The following NUDT4 variants were observed in gnomAD, a reference collection of about 807,000 sequenced individuals.
NUDT4 encodes diphosphoinositol polyphosphate phosphohydrolase 2.
A neutral mutation model predicts 23.1 loss-of-function variants in NUDT4; 5 were observed. That is an observed-to-expected ratio of 0.22 (90% CI 0.11 to 0.46). NUDT4 has a LOEUF of 0.46. Among genes scored for constraint, NUDT4 ranks in the 20% least tolerant of loss-of-function variants. The pLI is 0.99. For missense variants in NUDT4, 96 were observed against 211.6 expected (o/e 0.45, Z 3.39); for synonymous variants, 50 against 79.0 (o/e 0.63, Z 1.95).
At chr12:93,395,800 A>C (rs1219732732) in intron 3 of NUDT4, among the ~76,000 whole-genome samples, 6 of 152,110 alleles carry the variant, frequency 3.9e-5, no homozygotes, top group African/African-American at 1.4e-4. Context: ...GGCTTACTAC[A>C]ACCTCTGCCT....
rs780051864 is a variant in NUDT4, at chr12:93,405,926, T to C, written c.*6547T>C. 1 of 152,158 alleles carries C rather than the reference T, an allele frequency of 6.6e-6. No individual in the cohort carries two copies. Among genetic ancestry groups the C allele is most frequent in the African/African-American group, 2.4e-5 (1 of 41,436 alleles). The allele number at this position is 152,158 out of a possible 1,614,324, so 9.4% of individuals were successfully genotyped here. A position where few individuals can be genotyped will look rare whatever the true frequency, so the allele number is the denominator to read the frequency against. ...CCTATTATCATGGTATTTTCTTTTT[T>C]GGCCAGCTTTTCTAGATAAGGTTGT... On this transcript the variant is annotated 3_prime_UTR_variant, in exon 5 of 5. Transcript: ENST00000415493.
chr12:93,384,562 TAAA>T (rs1384584551), intron 1 of NUDT4, among the ~76,000 whole-genome samples: 1 of 152,164 alleles, frequency 6.6e-6, no homozygotes, highest in African/African-American at 2.4e-5. Flanking sequence ...GCTGGTAAGC[TAAA>T]AAAGTAATAA....
rs1555193203 is a variant in NUDT4, at chr12:93,385,970, T to TAC, written c.99+7551_99+7552dup. 5.1e-4 allele frequency among the ~76,000 whole-genome samples: 60 copies of TAC among 118,610 alleles called. 1 individual carries two copies. In the South Asian group the frequency reaches 8.9e-3, roughly 18 times the overall value. The allele number at this position is 118,610 out of a possible 152,430, so 77.8% of individuals were successfully genotyped here. A position where few individuals can be genotyped will look rare whatever the true frequency, so the allele number is the denominator to read the frequency against. On this transcript the variant is annotated intron_variant, in intron 1 of 4. Transcript: ENST00000415493. Reference sequence around the variant, plus strand: ...ATATATATATATATATATATATATATACATAATTTTTTTTTTCTTTTTGAG... The same window carrying TAC: ...ATATATATATATATATATATATATATACACATAATTTTTTTTTTCTTTTTGAG...
At chr12:93,383,008 G>A (rs1447987584) in intron 1 of NUDT4, among the ~76,000 whole-genome samples, 1 of 151,682 alleles carries the variant, frequency 6.6e-6, no homozygotes, top group African/African-American at 2.4e-5. Context: ...TTCTTCATCT[G>A]TGCCTCCAGC....
rs1286938972 is a variant in NUDT4 at position 93,399,832 on chromosome 12, A to AC, written c.*457dup. On this transcript the variant is annotated 3_prime_UTR_variant, in exon 5 of 5. Coordinates refer to ENST00000415493, the MANE Select transcript of NUDT4 (RefSeq NM_019094.6). ...TTATTGGTATTAAAGAAATCCATTCACCCCAAAACTTGTTTTACAGGATTA... is the reference window on the plus strand; with the variant it reads ...TTATTGGTATTAAAGAAATCCATTCACCCCCAAAACTTGTTTTACAGGATTA... 1.9e-5 allele frequency: 3 copies of AC among 157,282 alleles called. No homozygotes were observed. Among genetic ancestry groups the AC allele is most frequent in the Non-Finnish European group, 4.2e-5 (3 of 71,120 alleles). The allele number at this position is 157,282 out of a possible 1,614,324, so 9.7% of individuals were successfully genotyped here. A position where few individuals can be genotyped will look rare whatever the true frequency, so the allele number is the denominator to read the frequency against.
In NUDT4 at chr12:93,378,116, A is replaced by G; in HGVS notation, c.-207A>G. 3.9e-6 allele frequency: 1 copy of G among 255,840 alleles called. No individual in the cohort carries two copies. Among genetic ancestry groups the G allele is most frequent in the East Asian group, 7.9e-5 (1 of 12,584 alleles). The allele number at this position is 255,840 out of a possible 1,614,324, so 15.8% of individuals were successfully genotyped here. On this transcript the variant is annotated 5_prime_UTR_variant, in exon 1 of 5. It removes the in-frame stop codon of an upstream open reading frame in the 5' UTR. Coordinates refer to ENST00000415493, the MANE Select transcript of NUDT4 (RefSeq NM_019094.6). Reference sequence around the variant, plus strand: ...TCATCTCGGCACCCTGGTTCCAGTGACCCGCGCTAGCGTCCCGTCCCGCCC... The same window carrying G: ...TCATCTCGGCACCCTGGTTCCAGTGGCCCGCGCTAGCGTCCCGTCCCGCCC...
In NUDT4 at chr12:93,401,922, A is replaced by ATTTT. The variant is rs746372735; in HGVS notation, c.*2558_*2561dup. The ATTTT allele has an allele frequency of 4.8e-3, 449 of 92,632 alleles. No individual in the cohort carries two copies. Among genetic ancestry groups the ATTTT allele is most frequent in the South Asian group, 0.011 (29 of 2,622 alleles). 5.7% of individuals were successfully genotyped at this position (92,632 alleles called of 1,614,324 possible). On this transcript the variant is annotated 3_prime_UTR_variant, in exon 5 of 5. Coordinates refer to ENST00000415493, the MANE Select transcript of NUDT4 (RefSeq NM_019094.6). ...CAGAGTGTTGGGACTGTCATTTGTG[A>ATTTT]TTTTTTTTTTTTTTTTTTGGTGGGG...
At position 93,394,689 on chromosome 12, in the gene NUDT4, C is replaced by T. The variant is rs749363938; in HGVS notation, c.180C>T (p.Gly60=). 8 of 1,552,270 alleles carry T rather than the reference C, an allele frequency of 5.2e-6. No homozygotes were observed. The South Asian group carries it at 7.1e-5, about 14-fold the overall frequency. The change falls in exon 2 of 5, where the codon GGC becomes GGT. Residue 60 remains glycine (G), a synonymous_variant. Coordinates refer to ENST00000415493, the MANE Select transcript of NUDT4 (RefSeq NM_019094.6). ...GGGMEPEEEP[G]GAAVREVYEE... ...GAATGGAACCCGAGGAGGAACCTGG[C>T]GGTGCTGCCGTGAGGGAAGTTTATG...
At chr12:93,384,793 G>C (rs981283651) in intron 1 of NUDT4, among the ~76,000 whole-genome samples, 1 of 150,956 alleles carries the variant, frequency 6.6e-6, no homozygotes, top group African/African-American at 2.4e-5. Context: ...GTCTCACTCT[G>C]TCACCCAGGC....
In NUDT4 at chr12:93,406,793, C is replaced by G. The variant is rs970446560; in HGVS notation, c.*7414C>G. 1.3e-5 allele frequency: 2 copies of G among 152,186 alleles called. No homozygotes were observed. Among genetic ancestry groups the G allele is most frequent in the Non-Finnish European group, 2.9e-5 (2 of 68,032 alleles). 9.4% of individuals were successfully genotyped at this position (152,186 alleles called of 1,614,324 possible). On this transcript the variant is annotated 3_prime_UTR_variant, in exon 5 of 5. Transcript: ENST00000415493. ...CATCATTTTATTCCAGAGACTTGAGCATCTGCGAATTTGGATATCCAAAGG... is the reference window on the plus strand; with the variant it reads ...CATCATTTTATTCCAGAGACTTGAGGATCTGCGAATTTGGATATCCAAAGG...
At position 93,402,756 on chromosome 12, in the gene NUDT4, A is replaced by T. The variant is rs1877554455; in HGVS notation, c.*3377A>T. 6.6e-6 allele frequency: 1 copy of T among 152,002 alleles called. No individual in the cohort carries two copies. Among genetic ancestry groups the T allele is most frequent in the African/African-American group, 2.4e-5 (1 of 41,356 alleles). The allele number at this position is 152,002 out of a possible 1,614,324, so 9.4% of individuals were successfully genotyped here. On this transcript the variant is annotated 3_prime_UTR_variant, in exon 5 of 5. Transcript: ENST00000415493. The stretch of plus-strand genomic sequence containing the variant: ...TTTAATGAATGTGAGCTCTTGACTT[A>T]CTCTAGAATTCTAATACAGATACTT...
intron 1 of NUDT4, among the ~76,000 whole-genome samples, chr12:93,390,215 G>A (rs1310917765): frequency 6.6e-6 from 1 of 152,174 alleles, no homozygotes; most frequent in Non-Finnish European, 1.5e-5. Flanking sequence ...ATAGAATTGT[G>A]TAACAAGAAT....
intron 1 of NUDT4, among the ~76,000 whole-genome samples, chr12:93,392,248 C>CCT (rs963564743): frequency 1.5e-5 from 2 of 137,688 alleles, no homozygotes; most frequent in Non-Finnish European, 3.2e-5. Context: ...TTGTTTCCCC[C>CCT]CCCCCCTTTT....
chr12:93,385,936 TC>T (rs1876031885), intron 1 of NUDT4, among the ~76,000 whole-genome samples: 1 of 79,566 alleles, frequency 1.3e-5, no homozygotes, highest in Non-Finnish European at 2.3e-5. Context: ...ATATAGTAAA[TC>T]TTTTTATATA....
rs1877713280 is a variant in NUDT4, at chr12:93,404,856, C to T, written c.*5477C>T. On this transcript the variant is annotated 3_prime_UTR_variant, in exon 5 of 5. Transcript: ENST00000415493. ...TACAACCTACAGGCCAAACCCCACC[C>T]CACTGCCTGTTTGTACGGCCAACAA... The T allele has an allele frequency of 6.6e-6, 1 of 151,854 alleles. No individual in the cohort carries two copies. The highest frequency in any genetic ancestry group is 2.4e-5 in the African/African-American group (1 of 41,334). 9.4% of individuals were successfully genotyped at this position (151,854 alleles called of 1,614,324 possible). A position where few individuals can be genotyped will look rare whatever the true frequency, so the allele number is the denominator to read the frequency against.
chr12:93,379,103 A>G (rs972801165), intron 1 of NUDT4, among the ~76,000 whole-genome samples: 1 of 152,198 alleles, frequency 6.6e-6, no homozygotes, highest in Non-Finnish European at 1.5e-5. Flanking sequence ...CCATTTTCAG[A>G]CAGTAATCTC....
rs1877776806 is a variant in NUDT4 at position 93,405,781 on chromosome 12, C to T, written c.*6402C>T. On this transcript the variant is annotated 3_prime_UTR_variant, in exon 5 of 5. Coordinates refer to ENST00000415493, the MANE Select transcript of NUDT4 (RefSeq NM_019094.6). The stretch of plus-strand genomic sequence containing the variant: ...TTATGTTATTTAAAGTATAAACCCT[C>T]ATATAATTCCCTAAGATGGGTGGCA... 6.6e-6 allele frequency: 1 copy of T among 152,128 alleles called. No individual in the cohort carries two copies. 9.4% of individuals were successfully genotyped at this position (152,128 alleles called of 1,614,324 possible). A position where few individuals can be genotyped will look rare whatever the true frequency, so the allele number is the denominator to read the frequency against.
At chr12:93,380,016 T>A (rs1007356287) in intron 1 of NUDT4, among the ~76,000 whole-genome samples, 7 of 152,194 alleles carry the variant, frequency 4.6e-5, no homozygotes, top group Admixed American at 3.9e-4. Context: ...TGGGAGGTAG[T>A]GAAGTTACTC....
At chr12:93,382,710 T>A (rs1875770008) in intron 1 of NUDT4, among the ~76,000 whole-genome samples, 1 of 136,778 alleles carries the variant, frequency 7.3e-6, no homozygotes, top group Non-Finnish European at 1.6e-5. Context: ...AGAGTCTCGC[T>A]CTGTCCTCCA....
Sources: allele counts gnomAD v4.1 joint callset (sites outside exome capture counted in the v4.1 genomes callset), GRCh38; gene constraint gnomAD v4.1.1; transcripts MANE v1.5; gene names NCBI Gene and HGNC (gene_info 2026-07-23, HGNC 2026-07-21).